The following BRIP1 variants were observed in gnomAD, a reference collection of about 807,000 sequenced individuals.
BRIP1 encodes BRCA1 interacting DNA helicase 1.
BRIP1 carries 88 observed loss-of-function variants against 119.7 expected under a neutral mutation model. That is an observed-to-expected ratio of 0.74 (90% CI 0.62 to 0.88). The LOEUF (loss-of-function observed/expected upper bound fraction) is 0.88. Ranked by LOEUF, BRIP1 falls within the 40% of genes least tolerant of loss-of-function variation. BRIP1 has a pLI of 0.00. For missense variants in BRIP1, 1,259 were observed against 1,455.4 expected (o/e 0.87, Z 2.20); for synonymous variants, 443 against 496.5 (o/e 0.89, Z 1.43).
At chr17:61,741,679 C>G (rs566311339) in intron 16 of BRIP1, among the ~76,000 whole-genome samples, 5 of 152,254 alleles carry the variant, frequency 3.3e-5, no homozygotes, top group African/African-American at 9.6e-5. Flanking sequence ...TTGAAAGGAA[C>G]TGATTTTTCT....
In BRIP1 at chr17:61,734,508, G is replaced by A. The variant is rs2076891865; in HGVS notation, c.2379+8505C>T. 6.6e-6 allele frequency among the ~76,000 whole-genome samples: 1 copy of A among 152,178 alleles called. No individual in the cohort carries two copies. On this transcript the variant is annotated intron_variant, in intron 16 of 19. Coordinates refer to ENST00000259008, the MANE Select transcript of BRIP1 (RefSeq NM_032043.3). The surrounding 1 kb of genome is among the most constrained non-coding windows in gnomAD (Gnocchi z 5.2). ...AGTTAGCTTAATGCTTACCTTCAGA[G>A]TAGCCCATTATCAACATTTCATAGT...
At chr17:61,696,008 T>C (rs942620213) in intron 17 of BRIP1, among the ~76,000 whole-genome samples, 2 of 152,172 alleles carry the variant, frequency 1.3e-5, no homozygotes, top group African/African-American at 4.8e-5. Flanking sequence ...CAATATTGAA[T>C]AGAAGTGGTA....
chr17:61,818,995 G>A (rs2078279824), intron 6 of BRIP1, among the ~76,000 whole-genome samples: 1 of 152,002 alleles, frequency 6.6e-6, no homozygotes, highest in African/African-American at 2.4e-5. Context: ...AGACCAGCCT[G>A]GCCAACTTGG....
rs940223256 is a variant in BRIP1, at chr17:61,739,021, A to G, written c.2379+3992T>C. ...TCTCAAGAACTCATATGTAGGGTCC[A>G]AGGAAGAGAGAGGACATAGGCAAAA... On this transcript the variant is annotated intron_variant, in intron 16 of 19. Coordinates refer to ENST00000259008, the MANE Select transcript of BRIP1 (RefSeq NM_032043.3). This position sits in a 1 kb window ranked among gnomAD's most constrained non-coding sequence, Gnocchi z 6.0. 5 of 162,780 alleles carry G rather than the reference A, an allele frequency of 3.1e-5. No individual in the cohort carries two copies. Among genetic ancestry groups the G allele is most frequent in the African/African-American group, 9.6e-5 (4 of 41,812 alleles). 10.1% of individuals were successfully genotyped at this position (162,780 alleles called of 1,614,324 possible). A position where few individuals can be genotyped will look rare whatever the true frequency, so the allele number is the denominator to read the frequency against.
chr17:61,839,787 C>T (rs1233867484), intron 6 of BRIP1, among the ~76,000 whole-genome samples: 1 of 152,040 alleles, frequency 6.6e-6, no homozygotes, highest in Non-Finnish European at 1.5e-5. Flanking sequence ...TAGAGTTATA[C>T]CACCTAAAGC....
chr17:61,785,981 A>T (rs777768887), intron 10 of BRIP1, among the ~76,000 whole-genome samples: 2 of 152,148 alleles, frequency 1.3e-5, no homozygotes, highest in Non-Finnish European at 2.9e-5. Context: ...ATAAAAAGTT[A>T]ATTATGGTTC....
chr17:61,797,687 G>C (rs1243360963), intron 9 of BRIP1, among the ~76,000 whole-genome samples: 1 of 151,886 alleles, frequency 6.6e-6, no homozygotes, highest in African/African-American at 2.4e-5. Flanking sequence ...TCTTATTGCA[G>C]GCAAAGATTT....
rs940793848 is a variant in BRIP1, at chr17:61,828,952, A to C, written c.627+18149T>G. Among the ~76,000 whole-genome samples, 1 of 152,166 alleles carries C rather than the reference A, an allele frequency of 6.6e-6. No homozygotes were observed. The highest frequency in any genetic ancestry group is 1.5e-5 in the Non-Finnish European group (1 of 67,996). On this transcript the variant is annotated intron_variant, in intron 6 of 19. Transcript: ENST00000259008. The surrounding 1 kb of genome is among the most constrained non-coding windows in gnomAD (Gnocchi z 4.1). The stretch of plus-strand genomic sequence containing the variant: ...AAGTTTAAGATGCAAAGTATGAAGC[A>C]ACTCACAAAAATAAAACTAAGAGGT...
Position 61,720,611 on chromosome 17 carries a change from C to A in BRIP1, c.2380-4548G>T, listed in dbSNP as rs1360174673. ...AGCATGATGACATCTCATGCTATAT[C>A]CTGCTCCATCCCACTCAGATGTGAA... On this transcript the variant is annotated intron_variant, in intron 16 of 19. Transcript: ENST00000259008. This position sits in a 1 kb window ranked among gnomAD's most constrained non-coding sequence, Gnocchi z 4.3. Among the ~76,000 whole-genome samples the A allele has an allele frequency of 6.6e-6, 1 of 152,054 alleles. No individual in the cohort carries two copies. Among genetic ancestry groups the A allele is most frequent in the Non-Finnish European group, 1.5e-5 (1 of 68,022 alleles).
rs1292591058 is a variant in BRIP1 at position 61,713,270 on chromosome 17, G to C, written c.2492+2681C>G. ...TACTGGTTTGTGTATTTACTATACT[G>C]TACTTCTTATCACTACAGTGTACTC... On this transcript the variant is annotated intron_variant, in intron 17 of 19. Transcript: ENST00000259008. This position sits in a 1 kb window ranked among gnomAD's most constrained non-coding sequence, Gnocchi z 4.9. 6.6e-6 allele frequency among the ~76,000 whole-genome samples: 1 copy of C among 151,896 alleles called. No homozygotes were observed. Among genetic ancestry groups the C allele is most frequent in the Non-Finnish European group, 1.5e-5 (1 of 67,988 alleles).
At chr17:61,719,014 G>A (rs576342039) in intron 16 of BRIP1, among the ~76,000 whole-genome samples, 1 of 152,246 alleles carries the variant, frequency 6.6e-6, no homozygotes, top group South Asian at 2.1e-4. Flanking sequence ...GTTCAGTACA[G>A]AAGCAATTTT....
At chr17:61,817,893 T>A (rs1273512686) in intron 6 of BRIP1, among the ~76,000 whole-genome samples, 1 of 152,222 alleles carries the variant, frequency 6.6e-6, no homozygotes, top group Non-Finnish European at 1.5e-5. Context: ...TTGCAGCTCA[T>A]GAAAACTGGG....
Position 61,740,503 on chromosome 17 carries a change from A to C in BRIP1, c.2379+2510T>G, listed in dbSNP as rs1245595520. Among the ~76,000 whole-genome samples, 1 of 152,120 alleles carries C rather than the reference A, an allele frequency of 6.6e-6. No individual in the cohort carries two copies. Among genetic ancestry groups the C allele is most frequent in the Non-Finnish European group, 1.5e-5 (1 of 68,014 alleles). On this transcript the variant is annotated intron_variant, in intron 16 of 19. Coordinates refer to ENST00000259008, the MANE Select transcript of BRIP1 (RefSeq NM_032043.3). The surrounding 1 kb of genome is among the most constrained non-coding windows in gnomAD (Gnocchi z 5.4). ...AATAAAATAAAATCTGTATCTACTA[A>C]ATTTTTCTCACTCATTCAGATTCAC...
chr17:61,862,756 A>G lies in BRIP1; in HGVS notation c.-31+528T>C, dbSNP rs1320361762. 1.3e-5 allele frequency among the ~76,000 whole-genome samples: 2 copies of G among 152,216 alleles called. No individual in the cohort carries two copies. The highest frequency in any genetic ancestry group is 2.9e-5 in the Non-Finnish European group (2 of 68,042). Reference sequence around the variant, plus strand: ...GTAAATTCAACCTGGGGACGAAGAGATGGTTAAAATAGCAATTCAATAGAT... The same window carrying G: ...GTAAATTCAACCTGGGGACGAAGAGGTGGTTAAAATAGCAATTCAATAGAT... On this transcript the variant is annotated intron_variant, in intron 1 of 19. Transcript: ENST00000259008. The surrounding 1 kb of genome is among the most constrained non-coding windows in gnomAD (Gnocchi z 5.3).
intron 14 of BRIP1, among the ~76,000 whole-genome samples, chr17:61,765,860 C>CACAG (rs1396071976): frequency 6.6e-6 from 1 of 151,460 alleles, no homozygotes; most frequent in East Asian, 1.9e-4. Context: ...CACACACACA[C>CACAG]AGAGCAAAAA....
rs2077396368 is a variant in BRIP1 at position 61,768,012 on chromosome 17, T to C, written c.2097+8389A>G. 6.6e-6 allele frequency among the ~76,000 whole-genome samples: 1 copy of C among 152,190 alleles called. No homozygotes were observed. The highest frequency in any genetic ancestry group is 1.5e-5 in the Non-Finnish European group (1 of 68,044). Reference sequence around the variant, plus strand: ...CTACTCTTAATTCCATTATCATTCTTCTTAATCTCTCTAATGATTACAAAT... The same window carrying C: ...CTACTCTTAATTCCATTATCATTCTCCTTAATCTCTCTAATGATTACAAAT... On this transcript the variant is annotated intron_variant, in intron 14 of 19. Coordinates refer to ENST00000259008, the MANE Select transcript of BRIP1 (RefSeq NM_032043.3). This position sits in a 1 kb window ranked among gnomAD's most constrained non-coding sequence, Gnocchi z 5.0.
rs948617075 is a variant in BRIP1, at chr17:61,726,639, T to C, written c.2380-10576A>G. Among the ~76,000 whole-genome samples the C allele has an allele frequency of 6.6e-6, 1 of 152,176 alleles. No homozygotes were observed. Among genetic ancestry groups the C allele is most frequent in the Non-Finnish European group, 1.5e-5 (1 of 68,026 alleles). On this transcript the variant is annotated intron_variant, in intron 16 of 19. Coordinates refer to ENST00000259008, the MANE Select transcript of BRIP1 (RefSeq NM_032043.3). This position sits in a 1 kb window ranked among gnomAD's most constrained non-coding sequence, Gnocchi z 6.2. ...TCAAGTGTCAATGAAAATATATACA[T>C]TGGCAGAATACATACAGAACAGTGT...
intron 11 of BRIP1, among the ~76,000 whole-genome samples, chr17:61,781,460 A>G (rs1181820812): frequency 1.3e-5 from 2 of 152,202 alleles, no homozygotes; most frequent in African/African-American, 4.8e-5. Flanking sequence ...ATTTTTACTG[A>G]AAGTTTTTAA....
Position 61,683,275 on chromosome 17 carries a change from TAG to T in BRIP1, c.*19_*20del. On this transcript the variant is annotated 3_prime_UTR_variant, in exon 20 of 20. Transcript: ENST00000259008. The surrounding 1 kb of genome is among the most constrained non-coding windows in gnomAD (Gnocchi z 4.7). ...ATAAGCATGATGACATATTTTTACT[TAG>T]CTTGAGAGTTAAGTATTATTACTTA... 1 of 1,597,608 alleles carries T rather than the reference TAG, an allele frequency of 6.3e-7. No individual in the cohort carries two copies. Among genetic ancestry groups the T allele is most frequent in the East Asian group, 2.2e-5 (1 of 44,710 alleles).
Sources: allele counts gnomAD v4.1 joint callset (sites outside exome capture counted in the v4.1 genomes callset), GRCh38; gene constraint gnomAD v4.1.1; non-coding constraint Gnocchi (gnomAD v3.1); transcripts MANE v1.5; gene names NCBI Gene and HGNC (gene_info 2026-07-23, HGNC 2026-07-21).